Variants in GPC3 observed in about 807,000 individuals in gnomAD.
GPC3 encodes glypican 3, also known as glypican-3.
Under a neutral mutation model 34.4 loss-of-function variants are expected in GPC3, and 3 were observed. The observed-to-expected ratio is 0.09, with a 90% CI of 0.04 to 0.23. GPC3 has a LOEUF of 0.23. Among genes scored for constraint, GPC3 ranks in the 10% least tolerant of loss-of-function variants. The probability of loss-of-function intolerance (pLI) is 1.00; values close to 1 mark genes in which losing one functional copy is unlikely to be tolerated. For missense variants in GPC3, 351 were observed against 445.6 expected (o/e 0.79, Z 1.91); for synonymous variants, 177 against 174.0 (o/e 1.02, Z -0.13).
intron 2 of GPC3, among the ~76,000 whole-genome samples, chrX:133,839,243 C>T (rs1388418923): frequency 9.0e-6 from 1 of 111,730 alleles, no homozygotes; most frequent in Non-Finnish European, 1.9e-5. Context: ...TTTTTCATCT[C>T]CTAGCCCCCA....
chrX:133,937,974 T>G (rs1035111648), intron 2 of GPC3, among the ~76,000 whole-genome samples: 2 of 111,684 alleles, frequency 1.8e-5, no homozygotes, highest in African/African-American at 6.5e-5. Flanking sequence ...ATTTGGCCCA[T>G]AGAACAGGTA....
intron 2 of GPC3, among the ~76,000 whole-genome samples, chrX:133,943,122 G>A (rs1001432240): frequency 8.9e-6 from 1 of 111,786 alleles, no homozygotes; most frequent in African/African-American, 3.2e-5. Context: ...ACTTTGAAGA[G>A]TATCAATAGT....
chrX:133,627,983 T>C (rs900872936), intron 6 of GPC3, among the ~76,000 whole-genome samples: 2 of 112,468 alleles, frequency 1.8e-5, no homozygotes, highest in African/African-American at 6.5e-5. Flanking sequence ...TTGACATCAG[T>C]AGATGAGGAT....
intron 2 of GPC3, among the ~76,000 whole-genome samples, chrX:133,801,355 C>A (rs144851299): frequency 9.8e-4 from 110 of 111,819 alleles, no homozygotes; most frequent in African/African-American, 3.5e-3. Context: ...AGCAATGGCG[C>A]TGTTGCTTAC....
At chrX:133,718,532 C>T (rs1293074713) in intron 3 of GPC3, among the ~76,000 whole-genome samples, 1 of 111,218 alleles carries the variant, frequency 9.0e-6, no homozygotes, top group Non-Finnish European at 1.9e-5. Flanking sequence ...AGACATAAAG[C>T]ATTTAGAAAT....
intron 2 of GPC3, among the ~76,000 whole-genome samples, chrX:133,793,152 T>C (rs886442621): frequency 8.9e-6 from 1 of 111,866 alleles, no homozygotes; most frequent in Non-Finnish European, 1.9e-5. Context: ...CCAAGAAATT[T>C]ATCATTGTGA....
rs182340385 is a variant in GPC3, at chrX:133,958,718, A to C, written c.176-5507T>G. Among the ~76,000 whole-genome samples the C allele has an allele frequency of 8.0e-3, 845 of 105,714 alleles. 15 individuals carry two copies. The highest frequency in any genetic ancestry group is 0.028 in the African/African-American group (807 of 28,885). The allele number at this position is 105,714 out of a possible 115,157, so 91.8% of individuals were successfully genotyped here. A position where few individuals can be genotyped will look rare whatever the true frequency, so the allele number is the denominator to read the frequency against. ...AAACCCCATCTCTACTGAAAAAAAAAAAAAACAAAAAAAAAAAACAGCCAG... is the reference window on the plus strand; with the variant it reads ...AAACCCCATCTCTACTGAAAAAAAACAAAAACAAAAAAAAAAAACAGCCAG... On this transcript the variant is annotated intron_variant, in intron 1 of 7. Coordinates refer to ENST00000370818, the MANE Select transcript of GPC3 (RefSeq NM_004484.4).
intron 5 of GPC3, among the ~76,000 whole-genome samples, chrX:133,662,318 C>T (rs368010080): frequency 8.9e-6 from 1 of 112,059 alleles, no homozygotes; most frequent in African/African-American, 3.2e-5. Flanking sequence ...TTCCTCCTCC[C>T]ACCATTTCCT....
intron 2 of GPC3, among the ~76,000 whole-genome samples, chrX:133,823,798 G>A: frequency 9.1e-6 from 1 of 109,507 alleles, no homozygotes; most frequent in Non-Finnish European, 1.9e-5. Flanking sequence ...TAGCCAACAT[G>A]GTGACACCCC....
At chrX:133,614,767 G>A (rs1018143361) in intron 6 of GPC3, among the ~76,000 whole-genome samples, 1 of 111,375 alleles carries the variant, frequency 9.0e-6, no homozygotes, top group Non-Finnish European at 1.9e-5. Flanking sequence ...ACCCAAAGTT[G>A]CTTTTTGAAA....
intron 2 of GPC3, among the ~76,000 whole-genome samples, chrX:133,898,912 G>A (rs923363645): frequency 2.7e-4 from 30 of 111,939 alleles, no homozygotes; most frequent in African/African-American, 9.7e-4. Flanking sequence ...AAGATCCTAG[G>A]AAGCTGGCCA....
At chrX:133,558,667 T>G (rs2069514927) in intron 7 of GPC3, among the ~76,000 whole-genome samples, 1 of 110,117 alleles carries the variant, frequency 9.1e-6, no homozygotes, top group Non-Finnish European at 1.9e-5. Flanking sequence ...CCTAGGTGGA[T>G]GGATCACGAG....
intron 1 of GPC3, among the ~76,000 whole-genome samples, chrX:133,964,611 T>C (rs1369307471): frequency 9.0e-6 from 1 of 110,666 alleles, no homozygotes; most frequent in Non-Finnish European, 1.9e-5. Context: ...GGGGAAAGAG[T>C]GTATTAGTTT....
chrX:133,952,569 G>A (rs757229552), intron 2 of GPC3, among the ~76,000 whole-genome samples: 6 of 112,119 alleles, frequency 5.4e-5, no homozygotes. Context: ...AGAAGTGAGA[G>A]TCACAAAGAG....
chrX:133,885,005 A>G (rs1277870255), intron 2 of GPC3, among the ~76,000 whole-genome samples: 1 of 112,198 alleles, frequency 8.9e-6, no homozygotes, highest in African/African-American at 3.2e-5. Context: ...CATTAACTAG[A>G]CATTTTGGAT....
rs868662739 is a variant in GPC3 at position 133,540,953 on chromosome X, T to C, written c.1574-4660A>G. Among the ~76,000 whole-genome samples, 294 of 101,245 alleles carry C rather than the reference T, an allele frequency of 2.9e-3. 1 individual carries two copies. The highest frequency in any genetic ancestry group is 0.01 in the African/African-American group (273 of 26,828). The allele number at this position is 101,245 out of a possible 115,157, so 87.9% of individuals were successfully genotyped here. On this transcript the variant is annotated intron_variant, in intron 7 of 7. Transcript: ENST00000370818. ...GTGTGTGTGTGTGTGTGTGTGTGTG[T>C]GTGCGCGCACTGTGGGGGAAGAGGT... is the stretch of plus-strand genomic sequence containing the variant.
chrX:133,627,840 G>A (rs982603531), intron 6 of GPC3, among the ~76,000 whole-genome samples: 10 of 112,162 alleles, frequency 8.9e-5, no homozygotes, highest in African/African-American at 3.2e-4. Flanking sequence ...GCCTCCCTAG[G>A]CTCTGAGTAA....
intron 6 of GPC3, among the ~76,000 whole-genome samples, chrX:133,621,844 G>C (rs1402984760): frequency 8.9e-6 from 1 of 112,352 alleles, no homozygotes; most frequent in Non-Finnish European, 1.9e-5. Flanking sequence ...AGAACAGACA[G>C]ACTGCCTCCT....
intron 2 of GPC3, among the ~76,000 whole-genome samples, chrX:133,854,847 G>A (rs2124562328): frequency 8.9e-6 from 1 of 112,039 alleles, no homozygotes; most frequent in Non-Finnish European, 1.9e-5. Context: ...GCGTCCATAA[G>A]AAATTATGGT....
Sources: allele counts gnomAD v4.1 joint callset (sites outside exome capture counted in the v4.1 genomes callset), GRCh38; gene constraint gnomAD v4.1.1; transcripts MANE v1.5; gene names NCBI Gene and HGNC (gene_info 2026-07-23, HGNC 2026-07-21).